FILIP1L: variants seen among roughly 807,000 people sequenced by gnomAD.
FILIP1L encodes the protein filamin A-interacting protein 1-like.
FILIP1L carries 55 observed loss-of-function variants against 96.6 expected under a neutral mutation model. The ratio of observed to expected loss-of-function variants is 0.57; its 90% CI spans 0.46 to 0.71. FILIP1L has a LOEUF of 0.71. Ranked by LOEUF, FILIP1L falls within the 30% of genes least tolerant of loss-of-function variation. The pLI, the probability that FILIP1L is intolerant of heterozygous loss-of-function variation, is 0.00. For missense variants in FILIP1L, 1,304 were observed against 1,321.2 expected, an observed-to-expected ratio of 0.99 and a Z score of 0.20; for synonymous variants, 467 against 473.9, an observed-to-expected ratio of 0.99 and a Z score of 0.19.
intron 1 of FILIP1L, among the ~76,000 whole-genome samples, chr3:100,052,233 C>T (rs1389734921): frequency 6.6e-6 from 1 of 152,220 alleles, no homozygotes; most frequent in African/African-American, 2.4e-5. Context: ...GTGGGCTATA[C>T]TAATACACTC....
At chr3:99,853,565 T>C (rs1260268305) in intron 4 of FILIP1L, among the ~76,000 whole-genome samples, 2 of 152,210 alleles carry the variant, frequency 1.3e-5, no homozygotes, top group Non-Finnish European at 2.9e-5. Context: ...TTCCATTTTG[T>C]TCAGTGTTTT....
At chr3:99,972,321 T>C (rs1182168236) in intron 1 of FILIP1L, among the ~76,000 whole-genome samples, 1 of 152,212 alleles carries the variant, frequency 6.6e-6, no homozygotes, top group African/African-American at 2.4e-5. Flanking sequence ...GCCAGGGATT[T>C]GCATGTGGAA....
intron 1 of FILIP1L, chr3:100,051,088 C>T (rs1216436223): frequency 6.6e-6 from 1 of 151,954 alleles, no homozygotes; most frequent in Non-Finnish European, 1.5e-5. Flanking sequence ...ATTTTTAAAC[C>T]ATCATTTGAA....
chr3:99,990,975 T>C (rs1286667435), intron 1 of FILIP1L, among the ~76,000 whole-genome samples: 1 of 152,134 alleles, frequency 6.6e-6, no homozygotes, highest in Non-Finnish European at 1.5e-5. Context: ...CTCTGCCTTT[T>C]GGGAATTAAA....
intron 1 of FILIP1L, among the ~76,000 whole-genome samples, chr3:100,074,120 G>C (rs1238568327): frequency 6.6e-6 from 1 of 152,008 alleles, no homozygotes; most frequent in African/African-American, 2.4e-5. Context: ...TCTTGTTTAT[G>C]TATGCTGTAA....
At chr3:99,969,634 G>A (rs555302945) in intron 1 of FILIP1L, among the ~76,000 whole-genome samples, 5 of 152,296 alleles carry the variant, frequency 3.3e-5, no homozygotes, top group African/African-American at 1.2e-4. Context: ...TTGGAGAGCA[G>A]AGGTAGTAAG....
At chr3:100,094,468 T>C (rs1328136464) in intron 1 of FILIP1L, among the ~76,000 whole-genome samples, 3 of 152,158 alleles carry the variant, frequency 2.0e-5, no homozygotes, top group Admixed American at 6.5e-5. Context: ...TTATGGATTA[T>C]ACTTTTGGTG....
intron 1 of FILIP1L, among the ~76,000 whole-genome samples, chr3:100,089,910 A>T (rs2066074391): frequency 6.6e-6 from 1 of 152,146 alleles, no homozygotes; most frequent in Admixed American, 6.6e-5. Context: ...GAACTGTAGG[A>T]ATTGACTCAG....
rs745752948 is a variant in FILIP1L at position 99,850,751 on chromosome 3, T to C, written c.925A>G (p.Ile309Val). 6.2e-7 allele frequency: 1 copy of C among 1,614,192 alleles called. No homozygotes were observed. The highest frequency in any genetic ancestry group is 1.1e-5 in the South Asian group (1 of 91,084). ...TCCTCATTGGTGAGCTTCGCCATAA[T>C]TGTGTCTTGGTCTTGGTGAAACTTT... ...TTKFHQDQDTIMAKLTNEDSQ... is the reference protein window; with the variant it reads ...TTKFHQDQDTVMAKLTNEDSQ... Residue 309 changes from isoleucine (I) to valine (V), a missense_variant, in exon 5 of 6, where the codon ATT becomes GTT. Coordinates refer to ENST00000477258, the MANE Select transcript of FILIP1L (RefSeq NM_001387850.1).
At chr3:99,871,829 C>T (rs1271941325) in intron 4 of FILIP1L, among the ~76,000 whole-genome samples, 1 of 152,270 alleles carries the variant, frequency 6.6e-6, no homozygotes, top group East Asian at 1.9e-4. Flanking sequence ...ATTTGCCAGC[C>T]GGAGGACCTT....
At chr3:99,999,983 C>T (rs557447100) in intron 1 of FILIP1L, among the ~76,000 whole-genome samples, 87 of 152,202 alleles carry the variant, frequency 5.7e-4, no homozygotes, top group African/African-American at 2.1e-3. Context: ...TCAGCCCTGG[C>T]TTAAAAACAA....
chr3:99,848,570 G>A lies in FILIP1L; in HGVS notation c.3106C>T (p.Pro1036Ser). Residue 1036 changes from proline to serine, a missense_variant, in exon 5 of 6, where the codon CCA becomes TCA. By Grantham distance (74) the Pro-to-Ser change is moderately conservative. Coordinates refer to ENST00000477258, the MANE Select transcript of FILIP1L (RefSeq NM_001387850.1). ...SAKHAIFRVS[P>S]DRQSSWQFQR... ...AACTGCCATGATGACTGCCGGTCTG[G>A]GGAGACTCTGAATATCGCATGCTTG... 1 of 1,614,200 alleles carries A rather than the reference G, an allele frequency of 6.2e-7. No homozygotes were observed. The highest frequency in any genetic ancestry group is 8.5e-7 in the Non-Finnish European group (1 of 1,180,032).
At chr3:100,011,760 T>A (rs1171645191) in intron 1 of FILIP1L, 1 of 152,206 alleles carries the variant, frequency 6.6e-6, no homozygotes, top group African/African-American at 2.4e-5. Flanking sequence ...GCCCATCAGG[T>A]AGGGATGACC....
intron 1 of FILIP1L, among the ~76,000 whole-genome samples, chr3:100,016,320 G>A (rs1284363991): frequency 1.3e-5 from 2 of 152,188 alleles, no homozygotes. Context: ...AGCCTCCCGA[G>A]TAGGTGGGAT....
chr3:99,894,374 T>A (rs1706184091), intron 4 of FILIP1L, among the ~76,000 whole-genome samples: 1 of 152,236 alleles, frequency 6.6e-6, no homozygotes, highest in South Asian at 2.1e-4. Context: ...GTGCCAGGTC[T>A]GGCCAGAGGT....
rs115671791 is a variant in FILIP1L, at chr3:99,980,949, A to G, written c.-10-49919T>C. On this transcript the variant is annotated intron_variant, in intron 1 of 5. Transcript: ENST00000477258. The stretch of plus-strand genomic sequence containing the variant: ...GGCTATGTACCCATGTTTGCTGGAC[A>G]ATTGGGACCCATTTAACCAAATGAG... 3.1e-3 allele frequency among the ~76,000 whole-genome samples: 475 copies of G among 152,274 alleles called. 4 individuals carry two copies. The highest frequency in any genetic ancestry group is 0.01 in the Middle Eastern group (3 of 294).
intron 1 of FILIP1L, among the ~76,000 whole-genome samples, chr3:99,959,943 A>T (rs144643666): frequency 6.6e-6 from 1 of 152,182 alleles, no homozygotes; most frequent in African/African-American, 2.4e-5. Context: ...ATGCATTCAG[A>T]TGGCTAACAT....
intron 4 of FILIP1L, among the ~76,000 whole-genome samples, chr3:99,894,517 C>T (rs1290102052): frequency 6.6e-6 from 1 of 152,070 alleles, no homozygotes; most frequent in Non-Finnish European, 1.5e-5. Context: ...TTCTTTTGCT[C>T]ATGGAAGAAA....
rs565670907 is a variant in FILIP1L, at chr3:100,091,174, A to C, written c.-11+22879T>G. Among the ~76,000 whole-genome samples, 5 of 151,626 alleles carry C rather than the reference A, an allele frequency of 3.3e-5. No homozygotes were observed. The South Asian group carries it at 1.0e-3, about 32-fold the overall frequency. The stretch of plus-strand genomic sequence containing the variant: ...GTGGCGGGCACCTGTAGTCCCAGCT[A>C]CTCGGGAGGCTGAGGCAGGAGAATG... On this transcript the variant is annotated intron_variant, in intron 1 of 5. Transcript: ENST00000477258.
Sources: gnomAD v4.1 joint callset for allele counts (sites outside exome capture counted in the v4.1 genomes callset) on GRCh38, gnomAD v4.1.1 for gene constraint, MANE v1.5 for transcripts, NCBI Gene and HGNC (gene_info 2026-07-23, HGNC 2026-07-21) for gene names.